Variants in KCNQ1 observed in about 807,000 individuals in gnomAD.
KCNQ1 encodes potassium voltage-gated channel subfamily Q member 1.
In KCNQ1, 49 loss-of-function variants were observed where a neutral mutation model predicts 72.4. The ratio of observed to expected loss-of-function variants is 0.68; its 90% confidence interval spans 0.54 to 0.86. The LOEUF (loss-of-function observed/expected upper bound fraction) is 0.86, where lower values mean the gene tolerates loss of function less well. Among genes scored for constraint, KCNQ1 ranks in the 40% least tolerant of loss-of-function variants. The pLI is 0.00. For missense variants in KCNQ1, 790 were observed against 945.1 expected, an observed-to-expected ratio of 0.84 and a Z score of 2.15; for synonymous variants, 450 against 412.6, an observed-to-expected ratio of 1.09 and a Z score of -1.10.
chr11:2,718,110 C>T (rs965658380), intron 11 of KCNQ1, among the ~76,000 whole-genome samples: 14 of 152,210 alleles, frequency 9.2e-5, no homozygotes, highest in African/African-American at 2.4e-4. Context: ...CCGCGTGCCC[C>T]GTCCTGGCTT....
chr11:2,840,438 A>C (rs577569119), intron 15 of KCNQ1: 6 of 152,234 alleles, frequency 3.9e-5, no homozygotes, highest in Non-Finnish European at 8.8e-5. Context: ...TATCAGCAGG[A>C]TAACCTGCAA....
intron 15 of KCNQ1, among the ~76,000 whole-genome samples, chr11:2,794,350 C>T (rs1847089431): frequency 6.6e-6 from 1 of 152,160 alleles, no homozygotes; most frequent in South Asian, 2.1e-4. Context: ...CGGAGGGGTG[C>T]TGAGGTAGGA....
chr11:2,561,200 C>CA (rs1305352795), intron 2 of KCNQ1, among the ~76,000 whole-genome samples: 189 of 58,496 alleles, frequency 3.2e-3, no homozygotes, highest in East Asian at 4.9e-3. Flanking sequence ...GACTCCGTCT[C>CA]AAAAAAAAAA....
intron 11 of KCNQ1, among the ~76,000 whole-genome samples, chr11:2,731,299 A>G (rs552519049): frequency 8.5e-5 from 13 of 152,310 alleles, no homozygotes; most frequent in African/African-American, 2.9e-4. Context: ...CATGCACCCC[A>G]CTGTTGCATG....
chr11:2,812,776 G>A (rs1358203852), intron 15 of KCNQ1, among the ~76,000 whole-genome samples: 1 of 152,194 alleles, frequency 6.6e-6, no homozygotes, highest in Non-Finnish European at 1.5e-5. Flanking sequence ...CGCCCCCGGG[G>A]CCCCATGCCT....
rs1049740895 is a variant in KCNQ1, at chr11:2,458,679, GGATGGATC to G, written c.386+13199_386+13206del. 1.8e-4 allele frequency among the ~76,000 whole-genome samples: 21 copies of G among 116,214 alleles called. No homozygotes were observed. Among genetic ancestry groups the G allele is most frequent in the African/African-American group, 6.7e-4 (17 of 25,236 alleles). 76.2% of individuals were successfully genotyped at this position (116,214 alleles called of 152,430 possible). ...TGGATGGATGGATGGATGGATGGAT[GGATGGATC>G]GATCGATCTCACCAAGCCTCGTGCT... On this transcript the variant is annotated intron_variant, in intron 1 of 15. Coordinates refer to ENST00000155840, the MANE Select transcript of KCNQ1 (RefSeq NM_000218.3). The surrounding 1 kb of genome is among the most constrained non-coding windows in gnomAD (Gnocchi z 4.6).
At chr11:2,461,791 A>G (rs1419045308) in intron 1 of KCNQ1, 106 of 1,234,736 alleles carry the variant, frequency 8.6e-5, no homozygotes, top group Non-Finnish European at 1.1e-4. Flanking sequence ...GTGGTCAGTT[A>G]TGGGTGGCGG....
At position 2,691,345 on chromosome 11, in the gene KCNQ1, C is replaced by T; in HGVS notation, c.1514+29264C>T. The stretch of plus-strand genomic sequence containing the variant: ...CTACAATCCACTGCACTTACAGTGA[C>T]CACCCATCCTGACATCTTGGGCTCA... On this transcript the variant is annotated intron_variant, in intron 11 of 15. Coordinates refer to ENST00000155840, the MANE Select transcript of KCNQ1 (RefSeq NM_000218.3). This position sits in a 1 kb window ranked among gnomAD's most constrained non-coding sequence, Gnocchi z 6.4. 2.5e-6 allele frequency: 1 copy of T among 398,624 alleles called. No homozygotes were observed. Among genetic ancestry groups the T allele is most frequent in the South Asian group, 1.3e-4 (1 of 7,852 alleles). 24.7% of individuals were successfully genotyped at this position (398,624 alleles called of 1,614,324 possible).
At position 2,508,603 on chromosome 11, in the gene KCNQ1, T is replaced by C. The variant is rs934284733; in HGVS notation, c.387-19325T>C. Among the ~76,000 whole-genome samples, 3 of 152,016 alleles carry C rather than the reference T, an allele frequency of 2.0e-5. No individual in the cohort carries two copies. The highest frequency in any genetic ancestry group is 4.8e-5 in the African/African-American group (2 of 41,352). ...GGCTGGGACCCACCAGGACCCAGAC[T>C]CCCAGACTAGCAGGTGGGCTTCTCA... On this transcript the variant is annotated intron_variant, in intron 1 of 15. Coordinates refer to ENST00000155840, the MANE Select transcript of KCNQ1 (RefSeq NM_000218.3). This position sits in a 1 kb window ranked among gnomAD's most constrained non-coding sequence, Gnocchi z 6.2.
chr11:2,655,669 G>C (rs975388208), intron 10 of KCNQ1: 4 of 396,036 alleles, frequency 1.0e-5, no homozygotes, highest in African/African-American at 8.4e-5. Flanking sequence ...GGAAAGAGCT[G>C]AATCCCCACC....
intron 15 of KCNQ1, among the ~76,000 whole-genome samples, chr11:2,788,390 G>T (rs143268363): frequency 0.012 from 1,760 of 152,342 alleles, 21 homozygotes; most frequent in Non-Finnish European, 0.019. Context: ...TGTGAGAAGT[G>T]TGTGTCGGTG....
rs767804839 is a variant in KCNQ1 at position 2,661,914 on chromosome 11, A to AG, written c.1394-45dup. ...ACAGGCCTGGCTCCACAGCACTGGCAGGTTGGGTGGGAGGCCTAACGTGCT... is the reference window on the plus strand; with the variant it reads ...ACAGGCCTGGCTCCACAGCACTGGCAGGGTTGGGTGGGAGGCCTAACGTGCT... On this transcript the variant is annotated intron_variant, in intron 10 of 15. Transcript: ENST00000155840. The surrounding 1 kb of genome is among the most constrained non-coding windows in gnomAD (Gnocchi z 5.9). The AG allele has an allele frequency of 6.2e-7, 1 of 1,613,642 alleles. No individual in the cohort carries two copies.
chr11:2,506,481 A>G (rs1400210959), intron 1 of KCNQ1, among the ~76,000 whole-genome samples: 1 of 152,152 alleles, frequency 6.6e-6, no homozygotes, highest in Non-Finnish European at 1.5e-5. Context: ...TTGTTCTGAT[A>G]TTGTGCAATG....
At chr11:2,569,018 G>T (rs1848287252) in intron 2 of KCNQ1, among the ~76,000 whole-genome samples, 3 of 152,192 alleles carry the variant, frequency 2.0e-5, no homozygotes, top group Admixed American at 2.0e-4. Context: ...CTGAGTAGCT[G>T]GGATTACAGG....
intron 11 of KCNQ1, chr11:2,672,357 C>T (rs1850200654): frequency 2.5e-6 from 1 of 398,508 alleles, no homozygotes; most frequent in Admixed American, 4.4e-5. Flanking sequence ...TGTGGTGGGG[C>T]AGCCTTCACA....
chr11:2,718,633 AGAC>A (rs1851142209), intron 11 of KCNQ1, among the ~76,000 whole-genome samples: 4 of 152,200 alleles, frequency 2.6e-5, no homozygotes, highest in Admixed American at 2.6e-4. Context: ...TGCTTTGTGT[AGAC>A]GCATGACTCC....
rs953204231 is a variant in KCNQ1, at chr11:2,687,817, C to A, written c.1514+25736C>A. 2.0e-5 allele frequency: 8 copies of A among 398,634 alleles called. No homozygotes were observed. The highest frequency in any genetic ancestry group is 3.5e-5 in the Non-Finnish European group (8 of 226,174). 24.7% of individuals were successfully genotyped at this position (398,634 alleles called of 1,614,324 possible). A position where few individuals can be genotyped will look rare whatever the true frequency, so the allele number is the denominator to read the frequency against. ...CACCCAGCCTGGCCCCCCTCCTCTGCCCCAACTGGCTCCAGGCCAAACTCT... is the reference window on the plus strand; with the variant it reads ...CACCCAGCCTGGCCCCCCTCCTCTGACCCAACTGGCTCCAGGCCAAACTCT... On this transcript the variant is annotated intron_variant, in intron 11 of 15. Coordinates refer to ENST00000155840, the MANE Select transcript of KCNQ1 (RefSeq NM_000218.3). This position sits in a 1 kb window ranked among gnomAD's most constrained non-coding sequence, Gnocchi z 5.0.
chr11:2,486,187 C>T lies in KCNQ1; in HGVS notation c.386+40703C>T, dbSNP rs1434261261. On this transcript the variant is annotated intron_variant, in intron 1 of 15. Coordinates refer to ENST00000155840, the MANE Select transcript of KCNQ1 (RefSeq NM_000218.3). The surrounding 1 kb of genome is among the most constrained non-coding windows in gnomAD (Gnocchi z 5.0). ...ATTTCTGGGGTTTTTTAATAGTAGCCATTCTAGTGGGTGTGCAGTGGTATC... is the reference window on the plus strand; with the variant it reads ...ATTTCTGGGGTTTTTTAATAGTAGCTATTCTAGTGGGTGTGCAGTGGTATC... Among the ~76,000 whole-genome samples the T allele has an allele frequency of 2.6e-5, 4 of 152,090 alleles. No homozygotes were observed. The highest frequency in any genetic ancestry group is 2.1e-4 in the South Asian group (1 of 4,820).
Position 2,488,309 on chromosome 11 carries a change from G to T in KCNQ1, c.387-39619G>T, listed in dbSNP as rs1161561625. Among the ~76,000 whole-genome samples, 1 of 152,144 alleles carries T rather than the reference G, an allele frequency of 6.6e-6. No homozygotes were observed. The highest frequency in any genetic ancestry group is 1.5e-5 in the Non-Finnish European group (1 of 68,008). On this transcript the variant is annotated intron_variant, in intron 1 of 15. Coordinates refer to ENST00000155840, the MANE Select transcript of KCNQ1 (RefSeq NM_000218.3). The surrounding 1 kb of genome is among the most constrained non-coding windows in gnomAD (Gnocchi z 5.1). ...TGCATCAGTTTTCATAAGGGATATT[G>T]GTCTGTAGTTTTCTTGTAGTCTTTG...
Sources: gnomAD v4.1 joint callset for allele counts (sites outside exome capture counted in the v4.1 genomes callset) on GRCh38, gnomAD v4.1.1 for gene constraint, Gnocchi (gnomAD v3.1) non-coding constraint, MANE v1.5 for transcripts, NCBI Gene and HGNC (gene_info 2026-07-23, HGNC 2026-07-21) for gene names.